Variants in CDON observed in about 807,000 individuals in gnomAD.
CDON encodes the protein cell adhesion associated, oncogene regulated.
A neutral mutation model predicts 120.9 loss-of-function variants in CDON; 73 were observed. The observed-to-expected ratio is 0.60, with a 90% CI of 0.50 to 0.73. The LOEUF is 0.73. Among genes scored for constraint, CDON ranks in the 30% least tolerant of loss-of-function variants. The pLI is 0.00. For synonymous variants in CDON, 566 were observed against 573.5 expected, an observed-to-expected ratio of 0.99 and a Z score of 0.19; for missense variants, 1,470 against 1,587.3, an observed-to-expected ratio of 0.93 and a Z score of 1.26.
At chr11:126,053,852 C>A (rs1029737373) in intron 1 of CDON, among the ~76,000 whole-genome samples, 1 of 151,942 alleles carries the variant, frequency 6.6e-6, no homozygotes, top group African/African-American at 2.4e-5. Flanking sequence ...CACGCTCACT[C>A]CCTAATTGTT....
intron 1 of CDON, among the ~76,000 whole-genome samples, chr11:126,048,093 A>G (rs1196356206): frequency 1.3e-5 from 2 of 152,094 alleles, no homozygotes; most frequent in Admixed American, 6.5e-5. Flanking sequence ...CCTGGCCAAC[A>G]TGGAGAAACC....
chr11:126,004,831 T>C (rs954998812), intron 9 of CDON, among the ~76,000 whole-genome samples: 1 of 152,352 alleles, frequency 6.6e-6, no homozygotes, highest in East Asian at 1.9e-4. Flanking sequence ...ATTTTAAATA[T>C]GGAATGCATC....
chr11:125,992,541 C>T (rs1464954724), intron 14 of CDON, among the ~76,000 whole-genome samples: 1 of 152,132 alleles, frequency 6.6e-6, no homozygotes, highest in African/African-American at 2.4e-5. Flanking sequence ...CATGAGACAG[C>T]TACTATCGTG....
chr11:126,016,272 C>T (rs536006108), intron 6 of CDON, among the ~76,000 whole-genome samples: 1 of 152,094 alleles, frequency 6.6e-6, no homozygotes, highest in Non-Finnish European at 1.5e-5. Flanking sequence ...TCTGCAGCTA[C>T]ACATGATAGT....
At position 125,961,529 on chromosome 11, in the gene CDON, G is replaced by GT. The variant is rs1418598744; in HGVS notation, c.3631+194dup. ...TGACAGCCTGAGATGAAGGACATGA[G>GT]TAATAACAGAATTTCAAAGAATCCT... On this transcript the variant is annotated intron_variant, in intron 19 of 19. Transcript: ENST00000531738. 1.7e-5 allele frequency: 11 copies of GT among 666,332 alleles called. 1 individual carries two copies. Among genetic ancestry groups the GT allele is most frequent in the Non-Finnish European group, 2.0e-5 (8 of 397,552 alleles). 41.3% of individuals were successfully genotyped at this position (666,332 alleles called of 1,614,324 possible). A position where few individuals can be genotyped will look rare whatever the true frequency, so the allele number is the denominator to read the frequency against.
Position 126,034,103 on chromosome 11 carries a change from T to C in CDON, c.-61-10566A>G, listed in dbSNP as rs1948026956. ...TACTTACTTTATAAGCACTTATTAATGATCGTGCAATCATTCAGATCAACT... is the reference window on the plus strand; with the variant it reads ...TACTTACTTTATAAGCACTTATTAACGATCGTGCAATCATTCAGATCAACT... On this transcript the variant is annotated intron_variant, in intron 1 of 19. Coordinates refer to ENST00000531738, the MANE Select transcript of CDON (RefSeq NM_001378964.1). The surrounding 1 kb of genome is among the most constrained non-coding windows in gnomAD (Gnocchi z 4.5). 6.6e-6 allele frequency among the ~76,000 whole-genome samples: 1 copy of C among 151,874 alleles called. No homozygotes were observed. The highest frequency in any genetic ancestry group is 1.5e-5 in the Non-Finnish European group (1 of 67,992).
At chr11:125,977,768 TTTAAAA>T (rs2134425729) in intron 18 of CDON, among the ~76,000 whole-genome samples, 1 of 152,272 alleles carries the variant, frequency 6.6e-6, no homozygotes, top group African/African-American at 2.4e-5. Context: ...ACATACCACT[TTTAAAA>T]TTAAAACACA....
At chr11:125,983,772 G>A in intron 16 of CDON, 100 bp downstream of exon 16, 1 of 866,572 alleles carries the variant, frequency 1.2e-6, no homozygotes, top group Non-Finnish European at 1.9e-6. Context: ...TTCATACCAT[G>A]ACACTAATAT....
intron 14 of CDON, among the ~76,000 whole-genome samples, chr11:125,992,049 T>C (rs1946644093): frequency 6.6e-6 from 1 of 152,104 alleles, no homozygotes; most frequent in Non-Finnish European, 1.5e-5. Context: ...GTGATGATGA[T>C]GAGAGAGAGA....
At chr11:125,982,304 T>C (rs1394366018) in intron 16 of CDON, among the ~76,000 whole-genome samples, 1 of 152,180 alleles carries the variant, frequency 6.6e-6, no homozygotes. Context: ...AGCATACAAA[T>C]GACTGCCTCA....
At chr11:126,039,885 C>T (rs569867118) in intron 1 of CDON, among the ~76,000 whole-genome samples, 1 of 152,238 alleles carries the variant, frequency 6.6e-6, no homozygotes, top group Non-Finnish European at 1.5e-5. Context: ...CACAAGCAGC[C>T]CTACATTCCA....
At chr11:125,961,651 T>A (rs550750533) in intron 19 of CDON, 73 bp downstream of exon 19, 91 of 1,600,826 alleles carry the variant, frequency 5.7e-5, no homozygotes, top group African/African-American at 8.0e-5. Flanking sequence ...TCTGAAAGCA[T>A]CACCTTCCCA....
At chr11:125,998,222 C>T (rs1244452313) in intron 11 of CDON, among the ~76,000 whole-genome samples, 2 of 152,166 alleles carry the variant, frequency 1.3e-5, no homozygotes, top group Non-Finnish European at 2.9e-5. Flanking sequence ...TCTAACTCTT[C>T]TTGATGACCA....
At position 125,966,479 on chromosome 11, in the gene CDON, G is replaced by A. The variant is rs75732238; in HGVS notation, c.3357-4481C>T. 7.0e-3 allele frequency among the ~76,000 whole-genome samples: 1,072 copies of A among 152,214 alleles called. 15 individuals are homozygous for A. Among genetic ancestry groups the A allele is most frequent in the African/African-American group, 0.025 (1,035 of 41,530 alleles). On this transcript the variant is annotated intron_variant, in intron 18 of 19. Transcript: ENST00000531738. ...GAAAGCAGCTGAAGGAACAGAGGAG[G>A]CACCGTATGGCGAAAAACTCTGTAT... is the stretch of plus-strand genomic sequence containing the variant.
intron 11 of CDON, among the ~76,000 whole-genome samples, chr11:126,001,152 TCCTTCTCTTA>T (rs1801671423): frequency 6.6e-6 from 1 of 151,960 alleles, no homozygotes. Flanking sequence ...AATATAAATG[TCCTTCTCTTA>T]CCAGAGAAGA....
At position 126,017,258 on chromosome 11, in the gene CDON, A is replaced by T; in HGVS notation, c.758T>A (p.Val253Glu). ...GTCCTGCCCGTCCTTTAGCCAATAC[A>T]CTTGAGGAGCCGGGACCCCACTCAC... ...CVVSGVPAPQ[V>E]YWLKDGQDIA... The change falls in exon 6 of 20, where the codon GTG becomes GAG. Residue 253 changes from valine to glutamate, a missense_variant. Physicochemically the swap from Val to Glu is moderately radical, Grantham distance 121. Coordinates refer to ENST00000531738, the MANE Select transcript of CDON (RefSeq NM_001378964.1). 6.2e-7 allele frequency: 1 copy of T among 1,613,966 alleles called. No homozygotes were observed. Among genetic ancestry groups the T allele is most frequent in the South Asian group, 1.1e-5 (1 of 91,062 alleles).
intron 9 of CDON, among the ~76,000 whole-genome samples, chr11:126,004,860 T>C (rs1947065626): frequency 6.6e-6 from 1 of 152,228 alleles, no homozygotes; most frequent in Admixed American, 6.5e-5. Flanking sequence ...TTCATTCATG[T>C]ACTGGTCTCA....
intron 11 of CDON, among the ~76,000 whole-genome samples, chr11:125,999,442 G>A (rs183413494): frequency 1.3e-5 from 2 of 152,298 alleles, no homozygotes; most frequent in Admixed American, 1.3e-4. Context: ...CATCGTGCAT[G>A]GTTAACCTCC....
intron 9 of CDON, 43 bp downstream of exon 9, chr11:126,005,716 T>A: frequency 6.4e-7 from 1 of 1,573,972 alleles, no homozygotes; most frequent in East Asian, 2.2e-5. Context: ...ACAAAGAACG[T>A]TCAGGTGTGA....
Sources: gnomAD v4.1 joint callset for allele counts (sites outside exome capture counted in the v4.1 genomes callset) on GRCh38, gnomAD v4.1.1 for gene constraint, Gnocchi (gnomAD v3.1) non-coding constraint, MANE v1.5 for transcripts, NCBI Gene and HGNC (gene_info 2026-07-23, HGNC 2026-07-21) for gene names.